The following VIL1 variants were observed in gnomAD, a reference collection of about 807,000 sequenced individuals.
VIL1 encodes the protein villin-1.
VIL1 carries 86 observed loss-of-function variants against 104.0 expected under a neutral mutation model. The ratio of observed to expected loss-of-function variants is 0.83; its 90% CI spans 0.69 to 0.99. The LOEUF (loss-of-function observed/expected upper bound fraction) is 0.99. Ranked by LOEUF, VIL1 falls within the 50% of genes least tolerant of loss-of-function variation. VIL1 has a pLI of 0.00. For missense variants in VIL1, 944 were observed against 1,054.1 expected (o/e 0.90, Z 1.45); for synonymous variants, 394 against 412.6 (o/e 0.95, Z 0.55).
chr2:218,421,190 C>T (rs1487379865), intron 1 of VIL1, among the ~76,000 whole-genome samples: 1 of 151,948 alleles, frequency 6.6e-6, no homozygotes, highest in African/African-American at 2.4e-5. Flanking sequence ...TGAGAGGCAG[C>T]ATGGGGGTGG....
chr2:218,432,377 G>C, intron 12 of VIL1, 194 bp downstream of exon 12: 1 of 894,442 alleles, frequency 1.1e-6, no homozygotes. Context: ...GGTTCTCTGA[G>C]TCTCCCTTCC....
At chr2:218,446,359 C>G (rs533047257) in intron 19 of VIL1, among the ~76,000 whole-genome samples, 2 of 152,070 alleles carry the variant, frequency 1.3e-5, no homozygotes, top group African/African-American at 4.8e-5. Flanking sequence ...CTCAGGCTCC[C>G]GAGTAGCTGA....
At chr2:218,422,084 G>A (rs565994962) in intron 1 of VIL1, among the ~76,000 whole-genome samples, 3 of 152,100 alleles carry the variant, frequency 2.0e-5, no homozygotes, top group South Asian at 4.1e-4. Context: ...TGAAACCCCC[G>A]TCTCTATTAA....
intron 6 of VIL1, among the ~76,000 whole-genome samples, chr2:218,428,960 T>C (rs1286922768): frequency 1.3e-5 from 2 of 152,072 alleles, no homozygotes; most frequent in Admixed American, 6.5e-5. Context: ...ATGAACATGA[T>C]TGAGTACTGT....
At chr2:218,448,816 C>A (rs1305579200) in intron 19 of VIL1, among the ~76,000 whole-genome samples, 1 of 152,070 alleles carries the variant, frequency 6.6e-6, no homozygotes, top group Non-Finnish European at 1.5e-5. Flanking sequence ...ACTAGCCTGG[C>A]CAACATGGTA....
rs1997210 is a variant in VIL1 at position 218,451,698 on chromosome 2, T to C, written c.*2362T>C. On this transcript the variant is annotated 3_prime_UTR_variant, in exon 20 of 20. Coordinates refer to ENST00000248444, the MANE Select transcript of VIL1 (RefSeq NM_007127.3). Reference sequence around the variant, plus strand: ...TTAAAGCCTCTGTTTCAGAATTTTATACTTGATCAAGGAGAAAAATAAATG... The same window carrying C: ...TTAAAGCCTCTGTTTCAGAATTTTACACTTGATCAAGGAGAAAAATAAATG... 150,962 of 152,418 alleles carry C rather than the reference T, an allele frequency of 0.99. 74,777 individuals are homozygous for C. The highest frequency in any genetic ancestry group is 1 in the Middle Eastern group (294 of 294). 9.4% of individuals were successfully genotyped at this position (152,418 alleles called of 1,614,324 possible).
At chr2:218,428,817 G>T (rs759814703) in intron 6 of VIL1, among the ~76,000 whole-genome samples, 1 of 152,132 alleles carries the variant, frequency 6.6e-6, no homozygotes, top group African/African-American at 2.4e-5. Context: ...GATTACAGGC[G>T]TGCATCACCA....
At chr2:218,427,381 TG>T (rs1689020462) in intron 4 of VIL1, among the ~76,000 whole-genome samples, 1 of 150,798 alleles carries the variant, frequency 6.6e-6, no homozygotes, top group East Asian at 2.0e-4. Context: ...TAGAGTGCAA[TG>T]GTGCGATCTC....
At chr2:218,434,796 CT>C in intron 14 of VIL1, 91 bp downstream of exon 14, 1 of 1,401,132 alleles carries the variant, frequency 7.1e-7, no homozygotes. Context: ...GCAGGAACCC[CT>C]GGCCAACTAA....
intron 3 of VIL1, among the ~76,000 whole-genome samples, chr2:218,425,058 A>C (rs1048368477): frequency 1.3e-5 from 2 of 151,384 alleles, no homozygotes; most frequent in African/African-American, 4.8e-5. Context: ...ACTCATTTTA[A>C]ATTTTTATTT....
rs1689433242 is a variant in VIL1 at position 218,449,603 on chromosome 2, T to C, written c.*267T>C. The C allele has an allele frequency of 3.0e-6, 1 of 338,488 alleles. No individual in the cohort carries two copies. The highest frequency in any genetic ancestry group is 5.7e-6 in the Non-Finnish European group (1 of 174,860). The allele number at this position is 338,488 out of a possible 1,614,324, so 21.0% of individuals were successfully genotyped here. A position where few individuals can be genotyped will look rare whatever the true frequency, so the allele number is the denominator to read the frequency against. On this transcript the variant is annotated 3_prime_UTR_variant, in exon 20 of 20. Transcript: ENST00000248444. ...GGTATTGCATCAATTTTAATACTCCTATAGTTTTCTCTTCTTAGAAGAGCA... is the reference window on the plus strand; with the variant it reads ...GGTATTGCATCAATTTTAATACTCCCATAGTTTTCTCTTCTTAGAAGAGCA...
intron 18 of VIL1, among the ~76,000 whole-genome samples, chr2:218,439,464 T>G (rs1689247742): frequency 7.9e-5 from 12 of 152,122 alleles, no homozygotes; most frequent in Admixed American, 7.9e-4. Flanking sequence ...CTCCATCACC[T>G]TTGGGATCCC....
chr2:218,449,682 A>G lies in VIL1; in HGVS notation c.*346A>G, dbSNP rs1458842003. ...GAGGCACTACCCTAGCTTGTCCTCT[A>G]TCATGACTCATTTTTATCTATGGCA... On this transcript the variant is annotated 3_prime_UTR_variant, in exon 20 of 20. Coordinates refer to ENST00000248444, the MANE Select transcript of VIL1 (RefSeq NM_007127.3). 1.6e-5 allele frequency: 3 copies of G among 183,202 alleles called. No individual in the cohort carries two copies. The highest frequency in any genetic ancestry group is 1.2e-4 in the South Asian group (1 of 8,594). 11.3% of individuals were successfully genotyped at this position (183,202 alleles called of 1,614,324 possible).
chr2:218,436,588 G>A lies in VIL1; in HGVS notation c.1933G>A (p.Glu645Lys). Residue 645 changes from glutamate (E) to lysine (K), a missense_variant, in exon 16 of 20, where the codon GAA becomes AAA. Glu to Lys is a moderately conservative substitution (Grantham distance 56, BLOSUM62 1). Coordinates refer to ENST00000248444, the MANE Select transcript of VIL1 (RefSeq NM_007127.3). The stretch of plus-strand genomic sequence containing the variant: ...CCCTGACTTCAATCAGGATGACTTG[G>A]AAGAGGATGATGTGTTCCTACTAGA... ...EIPDFNQDDL[E>K]EDDVFLLDVW... 9 of 1,614,104 alleles carry A rather than the reference G, an allele frequency of 5.6e-6. No homozygotes were observed. Among genetic ancestry groups the A allele is most frequent in the Non-Finnish European group, 7.6e-6 (9 of 1,180,040 alleles).
At chr2:218,420,449 A>C (rs1688882858) in intron 1 of VIL1, among the ~76,000 whole-genome samples, 1 of 139,036 alleles carries the variant, frequency 7.2e-6, no homozygotes, top group Non-Finnish European at 1.6e-5. Context: ...AAAAAAAAAG[A>C]AAAGAAAAAA....
chr2:218,424,194 G>T, intron 2 of VIL1, 83 bp from the exon 3 acceptor site: 1 of 1,235,164 alleles, frequency 8.1e-7, no homozygotes. Context: ...TGTCTCCGAC[G>T]CCTCCTCCCC....
At position 218,440,917 on chromosome 2, in the gene VIL1, T is replaced by C. The variant is rs560243079; in HGVS notation, c.2370+55T>C. The stretch of plus-strand genomic sequence containing the variant: ...AAGTCCATTTGTTGGACCACCATAG[T>C]TGACTCCCAGATTTGGCCCTGCAGG... On this transcript the variant is annotated intron_variant, in intron 19 of 19. Transcript: ENST00000248444. 7 of 1,601,148 alleles carry C rather than the reference T, an allele frequency of 4.4e-6. No individual in the cohort carries two copies. The South Asian group carries it at 6.7e-5, about 15-fold the overall frequency.
chr2:218,427,153 GGGC>G (rs1689015461), intron 4 of VIL1, among the ~76,000 whole-genome samples: 1 of 152,136 alleles, frequency 6.6e-6, no homozygotes, highest in African/African-American at 2.4e-5. Flanking sequence ...GACAGGCTGA[GGGC>G]TCTCTAATTA....
intron 12 of VIL1, 172 bp from the exon 13 acceptor site, chr2:218,432,621 T>G (rs1430148571): frequency 3.2e-6 from 3 of 934,768 alleles, no homozygotes; most frequent in Non-Finnish European, 5.0e-6. Flanking sequence ...AGATCAGAAC[T>G]GAGGTATGGT....
Sources: allele counts gnomAD v4.1 joint callset (sites outside exome capture counted in the v4.1 genomes callset), GRCh38; gene constraint gnomAD v4.1.1; transcripts MANE v1.5; gene names NCBI Gene and HGNC (gene_info 2026-07-23, HGNC 2026-07-21).